CNTFR: variants seen among roughly 807,000 people sequenced by gnomAD.
The protein encoded by CNTFR is ciliary neurotrophic factor receptor subunit alpha.
In CNTFR, 12 loss-of-function variants were observed where a neutral mutation model predicts 40.4. The observed-to-expected ratio is 0.30, with a 90% confidence interval of 0.19 to 0.48. CNTFR has a LOEUF of 0.48. CNTFR is among the 20% of genes least tolerant of loss of function. The probability of loss-of-function intolerance (pLI) is 0.99; values close to 1 mark genes in which losing one functional copy is unlikely to be tolerated. For missense variants in CNTFR, 414 were observed against 506.8 expected, an observed-to-expected ratio of 0.82 and a Z score of 1.76; for synonymous variants, 202 against 209.6, an observed-to-expected ratio of 0.96 and a Z score of 0.31.
upstream of CNTFR, chr9:34,589,755 C>A (rs997462922): frequency 3.3e-5 from 5 of 150,808 alleles, no homozygotes; most frequent in Admixed American, 3.3e-4. This position sits in a 1 kb window ranked among gnomAD's most constrained non-coding sequence, Gnocchi z 4.4. Context: ...CGGCTTTAAC[C>A]CCCCCATCCT....
At chr9:34,561,666 G>C (rs1826082699) in intron 4 of CNTFR, among the ~76,000 whole-genome samples, 1 of 152,204 alleles carries the variant, frequency 6.6e-6, no homozygotes, top group African/African-American at 2.4e-5. Flanking sequence ...ATGTGTTTGG[G>C]ATAAATATTA....
intron 4 of CNTFR, among the ~76,000 whole-genome samples, chr9:34,558,766 A>T (rs1043091913): frequency 6.6e-6 from 1 of 152,128 alleles, no homozygotes; most frequent in Non-Finnish European, 1.5e-5. Context: ...AGCCCTTTAC[A>T]TGGTAAGCAG....
intron 2 of CNTFR, among the ~76,000 whole-genome samples, chr9:34,578,072 C>T (rs938524013): frequency 7.2e-5 from 11 of 151,732 alleles, no homozygotes; most frequent in African/African-American, 2.4e-4. Flanking sequence ...TCCGCCTGCC[C>T]GCCTGCGGGC....
At chr9:34,586,433 A>G (rs1443453410) in intron 1 of CNTFR, among the ~76,000 whole-genome samples, 2 of 152,082 alleles carry the variant, frequency 1.3e-5, no homozygotes, top group Admixed American at 6.5e-5. Flanking sequence ...TCTCTCCTAC[A>G]ATCACAGATT....
intron 1 of CNTFR, among the ~76,000 whole-genome samples, chr9:34,587,425 G>A (rs1827592119): frequency 6.6e-6 from 1 of 152,106 alleles, no homozygotes; most frequent in African/African-American, 2.4e-5. Flanking sequence ...ATGAATCTGA[G>A]TGAGTCACAG....
At chr9:34,554,718 C>A (rs1077961) in intron 7 of CNTFR, among the ~76,000 whole-genome samples, 412 of 152,236 alleles carry the variant, frequency 2.7e-3, no homozygotes, top group Non-Finnish European at 4.4e-3. Context: ...GTATTTTCCT[C>A]CTGAAAATCC....
Position 34,557,512 on chromosome 9 carries a change from A to C in CNTFR, c.604+14T>G, listed in dbSNP as rs1825896674. ...CTGGAGTAGGCAGCAGGTCCCCCCAACCGCCACACGTACCAATGGTGAACT... is the reference window on the plus strand; with the variant it reads ...CTGGAGTAGGCAGCAGGTCCCCCCACCCGCCACACGTACCAATGGTGAACT... On this transcript the variant is annotated intron_variant, in intron 6 of 9. Coordinates refer to ENST00000378980, the MANE Select transcript of CNTFR (RefSeq NM_147164.3). The surrounding 1 kb of genome is among the most constrained non-coding windows in gnomAD (Gnocchi z 4.2). 6.2e-7 allele frequency: 1 copy of C among 1,608,618 alleles called. No homozygotes were observed. Among genetic ancestry groups the C allele is most frequent in the East Asian group, 2.2e-5 (1 of 44,696 alleles).
At position 34,551,777 on chromosome 9, in the gene CNTFR, C is replaced by T. The variant is rs1292884449; in HGVS notation, c.*294G>A. The stretch of plus-strand genomic sequence containing the variant: ...GCTCCCCTCACGTCCCCCAAGGGCT[C>T]CTGGGAGTCGCTGGCATTGGAGGGT... On this transcript the variant is annotated 3_prime_UTR_variant, in exon 10 of 10. Coordinates refer to ENST00000378980, the MANE Select transcript of CNTFR (RefSeq NM_147164.3). 4 of 587,498 alleles carry T rather than the reference C, an allele frequency of 6.8e-6. No individual in the cohort carries two copies. The highest frequency in any genetic ancestry group is 5.6e-5 in the African/African-American group (3 of 53,334). The allele number at this position is 587,498 out of a possible 1,614,324, so 36.4% of individuals were successfully genotyped here.
chr9:34,559,167 G>A (rs755298743), intron 4 of CNTFR, among the ~76,000 whole-genome samples: 2 of 152,182 alleles, frequency 1.3e-5, no homozygotes, highest in Non-Finnish European at 2.9e-5. Flanking sequence ...ACAGTGAAGG[G>A]GAGTGCATGT....
In CNTFR at chr9:34,557,560, A is replaced by G. The variant is rs1238825856; in HGVS notation, c.570T>C (p.Asn190=). The G allele has an allele frequency of 1.9e-6, 3 of 1,614,176 alleles. No individual in the cohort carries two copies. The highest frequency in any genetic ancestry group is 2.5e-6 in the Non-Finnish European group (3 of 1,180,022). Residue 190 remains asparagine (N), a synonymous_variant, in exon 6 of 10, where the codon AAT becomes AAC. Transcript: ENST00000378980. The surrounding 1 kb of genome is among the most constrained non-coding windows in gnomAD (Gnocchi z 4.2). ...ACTCGTCAAAGGTGATAGCTGTGGC[A>G]TTGTGGCCCAGGGCATTGCTGACAC... is the stretch of plus-strand genomic sequence containing the variant. The part of the protein sequence containing the change: ...SISVSNALGH[N]ATAITFDEFT...
chr9:34,567,381 G>A (rs537660556), intron 3 of CNTFR, among the ~76,000 whole-genome samples: 22 of 152,234 alleles, frequency 1.4e-4, no homozygotes, highest in Non-Finnish European at 2.9e-4. Flanking sequence ...GTCCCCCCGG[G>A]CATCCCAAAG....
rs767701399 is a variant in CNTFR at position 34,552,033 on chromosome 9, T to A, written c.*38A>T. On this transcript the variant is annotated 3_prime_UTR_variant, in exon 10 of 10. Transcript: ENST00000378980. The surrounding 1 kb of genome is among the most constrained non-coding windows in gnomAD (Gnocchi z 5.1). ...AGGCTCAGCTCCGGCCTCCTGCTCC[T>A]CTGCAGGTGCTCTGCATGTCCTCAT... The A allele has an allele frequency of 1.0e-5, 12 of 1,203,548 alleles. No individual in the cohort carries two copies. Among genetic ancestry groups the A allele is most frequent in the Non-Finnish European group, 1.5e-5 (12 of 817,938 alleles). 74.6% of individuals were successfully genotyped at this position (1,203,548 alleles called of 1,614,324 possible).
chr9:34,583,709 C>T (rs538214735), intron 1 of CNTFR, among the ~76,000 whole-genome samples: 5 of 152,152 alleles, frequency 3.3e-5, no homozygotes, highest in East Asian at 1.9e-4. Context: ...GCCTGGTTCA[C>T]GCTTGCCCCC....
At position 34,583,041 on chromosome 9, in the gene CNTFR, A is replaced by G. The variant is rs535779609; in HGVS notation, c.-111-1836T>C. ...CAGCTGCTTCCAGCAATTTCATCTG[A>G]TTAATAATAAATGCCCCATAATTAC... On this transcript the variant is annotated intron_variant, in intron 1 of 9. Coordinates refer to ENST00000378980, the MANE Select transcript of CNTFR (RefSeq NM_147164.3). 2.6e-5 allele frequency among the ~76,000 whole-genome samples: 4 copies of G among 152,262 alleles called. No individual in the cohort carries two copies. In the South Asian group the frequency reaches 8.3e-4, roughly 32 times the overall value.
At chr9:34,569,087 G>C (rs1826455201) in intron 2 of CNTFR, 106 bp from the exon 3 acceptor site, 1 of 1,092,498 alleles carries the variant, frequency 9.2e-7, no homozygotes, top group Non-Finnish European at 1.3e-6. Context: ...CCCAGCCCTA[G>C]GGCCCTGGAG....
At chr9:34,571,087 CCTT>C (rs1826597693) in intron 2 of CNTFR, among the ~76,000 whole-genome samples, 1 of 152,182 alleles carries the variant, frequency 6.6e-6, no homozygotes, top group Non-Finnish European at 1.5e-5. Context: ...TGGCCTGGCT[CCTT>C]CTGACCCTCA....
intron 1 of CNTFR, among the ~76,000 whole-genome samples, chr9:34,584,788 T>G (rs1827472181): frequency 6.6e-6 from 1 of 152,180 alleles, no homozygotes; most frequent in Non-Finnish European, 1.5e-5. Context: ...GGATGACCTC[T>G]GACCTCTGCC....
At chr9:34,563,460 C>T (rs1826153252) in intron 4 of CNTFR, among the ~76,000 whole-genome samples, 1 of 152,224 alleles carries the variant, frequency 6.6e-6, no homozygotes. Flanking sequence ...CCTCAGTCGC[C>T]AAGAGGCAAT....
chr9:34,587,741 T>C (rs1301999233), intron 1 of CNTFR, among the ~76,000 whole-genome samples: 2 of 152,110 alleles, frequency 1.3e-5, no homozygotes, highest in African/African-American at 4.8e-5. Flanking sequence ...GGAGTGAGCA[T>C]GAGGGTCTTT....
Sources: allele counts gnomAD v4.1 joint callset (sites outside exome capture counted in the v4.1 genomes callset), GRCh38; gene constraint gnomAD v4.1.1; non-coding constraint Gnocchi (gnomAD v3.1); transcripts MANE v1.5; gene names NCBI Gene and HGNC (gene_info 2026-07-23, HGNC 2026-07-21).